The following ULK2 variants were observed in gnomAD, a reference collection of about 807,000 sequenced individuals.
ULK2 encodes the protein unc-51 like autophagy activating kinase 2, also known as serine/threonine-protein kinase ULK2.
A neutral mutation model predicts 127.5 loss-of-function variants in ULK2; 76 were observed. That is an observed-to-expected ratio of 0.60 (90% CI 0.50 to 0.72). ULK2 has a LOEUF of 0.72. Among genes scored for constraint, ULK2 ranks in the 30% least tolerant of loss-of-function variants. ULK2 has a pLI of 0.00. For synonymous variants in ULK2, 452 were observed against 461.9 expected (o/e 0.98, Z 0.28); for missense variants, 1,144 against 1,295.9 (o/e 0.88, Z 1.80).
intron 10 of ULK2, among the ~76,000 whole-genome samples, chr17:19,826,889 G>A (rs976790902): frequency 4.6e-5 from 7 of 151,752 alleles, no homozygotes; most frequent in African/African-American, 1.5e-4. Flanking sequence ...CCCGGGAGGC[G>A]GAGCTTGCAG....
intron 13 of ULK2, chr17:19,811,376 C>A (rs1567694396): frequency 6.6e-6 from 1 of 151,494 alleles, no homozygotes; most frequent in African/African-American, 2.4e-5. Flanking sequence ...AGTAAAGGAA[C>A]CTAATCATGT....
chr17:19,815,852 T>C (rs2152390160), intron 13 of ULK2, among the ~76,000 whole-genome samples: 1 of 151,306 alleles, frequency 6.6e-6, no homozygotes, highest in South Asian at 2.1e-4. Context: ...CCTAAAATAA[T>C]AACAAAATTT....
intron 22 of ULK2, among the ~76,000 whole-genome samples, chr17:19,782,672 T>C (rs1408427073): frequency 1.3e-5 from 2 of 152,298 alleles, no homozygotes; most frequent in South Asian, 2.1e-4. Context: ...TCCAAGCACT[T>C]TGGGAGGCCA....
At chr17:19,785,471 C>T (rs897666515) in intron 21 of ULK2, among the ~76,000 whole-genome samples, 14 of 151,880 alleles carry the variant, frequency 9.2e-5, no homozygotes, top group Admixed American at 8.5e-4. Flanking sequence ...CCTCAGCCTC[C>T]CAAAGTAAGT....
intron 25 of ULK2, among the ~76,000 whole-genome samples, chr17:19,778,348 A>G (rs879414935): frequency 3.3e-5 from 5 of 152,122 alleles, no homozygotes; most frequent in African/African-American, 7.2e-5. Flanking sequence ...CCTCTAACCT[A>G]TATTACGGAA....
In ULK2 at chr17:19,826,915, CCACTG is replaced by C. The variant is rs533474045; in HGVS notation, c.788-734_788-730del. Reference sequence around the variant, plus strand: ...GAGCTTGCAGTGAGCCGAGATCGCGCCACTGCACTCCAGCCTGGGTGACAGAGCGA... The same window carrying C: ...GAGCTTGCAGTGAGCCGAGATCGCGCCACTCCAGCCTGGGTGACAGAGCGA... On this transcript the variant is annotated intron_variant, in intron 10 of 26. Transcript: ENST00000395544. 2.2e-3 allele frequency among the ~76,000 whole-genome samples: 338 copies of C among 151,800 alleles called. 7 individuals are homozygous for C. The South Asian group carries it at 0.037, about 16-fold the overall frequency.
chr17:19,863,914 C>T (rs751514733), intron 3 of ULK2, among the ~76,000 whole-genome samples: 49 of 152,146 alleles, frequency 3.2e-4, no homozygotes, highest in Non-Finnish European at 4.9e-4. Context: ...AACCTATAAT[C>T]ATAGATATAA....
intron 12 of ULK2, among the ~76,000 whole-genome samples, chr17:19,820,320 T>G (rs559214283): frequency 6.6e-6 from 1 of 152,314 alleles, no homozygotes; most frequent in East Asian, 1.9e-4. Flanking sequence ...GTGCTGGGAT[T>G]ACAGGCGTGA....
At position 19,825,157 on chromosome 17, in the gene ULK2, ATACATGG is replaced by A. The variant is rs771937375; in HGVS notation, c.854_860del (p.Pro285LeufsTer121). On this transcript the variant is annotated frameshift_variant, in exon 12 of 27. Coordinates refer to ENST00000395544, the MANE Select transcript of ULK2 (RefSeq NM_014683.4). LOFTEE classifies it high-confidence loss of function. ...AGGAGCTTCCAGAGACAGAACCAGA[ATACATGG>A]GCACTGGAACTGGGCAAGCTAGGGG... 6.2e-7 allele frequency: 1 copy of A among 1,614,186 alleles called. No homozygotes were observed. The highest frequency in any genetic ancestry group is 1.7e-5 in the Admixed American group (1 of 60,012).
chr17:19,852,438 G>A (rs1274219262), intron 3 of ULK2, among the ~76,000 whole-genome samples: 1 of 142,656 alleles, frequency 7.0e-6, no homozygotes, highest in African/African-American at 2.6e-5. Flanking sequence ...GGAGAATAGT[G>A]TGAACCCAGG....
intron 11 of ULK2, 29 bp from the exon 12 acceptor site, chr17:19,825,211 T>A: frequency 6.3e-7 from 1 of 1,596,700 alleles, no homozygotes; most frequent in Non-Finnish European, 8.6e-7. Flanking sequence ...ATGAACTACA[T>A]CATTTTGTAG....
At position 19,815,896 on chromosome 17, in the gene ULK2, T is replaced by C. The variant is rs867474190; in HGVS notation, c.1096+853A>G. 5.3e-5 allele frequency among the ~76,000 whole-genome samples: 8 copies of C among 152,262 alleles called. 1 individual carries two copies. The South Asian group carries it at 1.0e-3, about 20-fold the overall frequency. On this transcript the variant is annotated intron_variant, in intron 13 of 26. Coordinates refer to ENST00000395544, the MANE Select transcript of ULK2 (RefSeq NM_014683.4). The stretch of plus-strand genomic sequence containing the variant: ...GAAAAAAGAAAAAAAAGAAAACCAC[T>C]GTACTAGATTACTTTTAAAGGTAAC...
chr17:19,856,699 G>A (rs1000560789), intron 3 of ULK2, among the ~76,000 whole-genome samples: 2 of 151,740 alleles, frequency 1.3e-5, no homozygotes, highest in African/African-American at 2.4e-5. Flanking sequence ...ACGGCCGGGT[G>A]CAGTGGCTCA....
At chr17:19,781,242 CTTTTTT>C (rs200296663) in intron 23 of ULK2, 138 bp from the exon 24 acceptor site, 95 of 471,838 alleles carry the variant, frequency 2.0e-4, no homozygotes, top group East Asian at 2.7e-4. Context: ...TCTTTCTTTT[CTTTTTT>C]TTTTTTTTTT....
intron 12 of ULK2, among the ~76,000 whole-genome samples, chr17:19,821,494 G>A (rs943556911): frequency 2.0e-5 from 3 of 148,878 alleles, no homozygotes; most frequent in African/African-American, 4.9e-5. Flanking sequence ...ATGTAAAAAC[G>A]ACAACGTTAT....
At chr17:19,814,439 T>TATATATACATATATA (rs1491246393) in intron 13 of ULK2, among the ~76,000 whole-genome samples, 65 of 9,990 alleles carry the variant, frequency 6.5e-3, no homozygotes, top group Admixed American at 0.011. Flanking sequence ...TATATATATA[T>TATATATACATATATA]TTTTTTTTTT....
chr17:19,810,007 G>A (rs1299028510), intron 14 of ULK2, among the ~76,000 whole-genome samples: 7 of 152,044 alleles, frequency 4.6e-5, no homozygotes, highest in African/African-American at 1.4e-4. Context: ...CAAGGCGGGC[G>A]GATCATGAGA....
At chr17:19,779,642 AT>A (rs1428394522) in intron 25 of ULK2, among the ~76,000 whole-genome samples, 2 of 151,758 alleles carry the variant, frequency 1.3e-5, no homozygotes, top group Non-Finnish European at 2.9e-5. Flanking sequence ...CTTTAGAGTA[AT>A]TTTTCCCCGA....
intron 10 of ULK2, among the ~76,000 whole-genome samples, chr17:19,829,078 GA>G (rs1567708041): frequency 6.6e-6 from 1 of 150,694 alleles, no homozygotes; most frequent in African/African-American, 2.4e-5. Flanking sequence ...AAAAAGAAAA[GA>G]AAAAAGAAAA....
Sources: gnomAD v4.1 joint callset for allele counts (sites outside exome capture counted in the v4.1 genomes callset) on GRCh38, gnomAD v4.1.1 for gene constraint, MANE v1.5 for transcripts, NCBI Gene and HGNC (gene_info 2026-07-23, HGNC 2026-07-21) for gene names.